SIPA1L2: variants seen among roughly 807,000 people sequenced by gnomAD.
The protein encoded by SIPA1L2 is signal induced proliferation associated 1 like 2, also known as signal-induced proliferation-associated 1-like protein 2.
Under a neutral mutation model 163.9 loss-of-function variants are expected in SIPA1L2, and 56 were observed. The observed-to-expected ratio is 0.34, with a 90% CI of 0.28 to 0.43. The LOEUF (loss-of-function observed/expected upper bound fraction) is 0.43, where lower values mean the gene tolerates loss of function less well. Ranked by LOEUF, SIPA1L2 falls within the 20% of genes least tolerant of loss-of-function variation. The probability of loss-of-function intolerance (pLI) is 1.00; values close to 1 mark genes in which losing one functional copy is unlikely to be tolerated. For synonymous variants in SIPA1L2, 877 were observed against 865.7 expected, an observed-to-expected ratio of 1.01 and a Z score of -0.23; for missense variants, 1,974 against 2,193.5, an observed-to-expected ratio of 0.90 and a Z score of 2.00.
chr1:232,501,048 G>GTTTTTTTTTTT (rs1421294418), intron 3 of SIPA1L2, among the ~76,000 whole-genome samples: 8 of 58,446 alleles, frequency 1.4e-4, no homozygotes, highest in South Asian at 5.9e-4. Context: ...TAGCAATGAA[G>GTTTTTTTTTTT]TATTTTTTTT....
chr1:232,520,371 G>T (rs1406704483), intron 2 of SIPA1L2, among the ~76,000 whole-genome samples: 1 of 152,228 alleles, frequency 6.6e-6, no homozygotes, highest in African/African-American at 2.4e-5. Flanking sequence ...CAAAATTGAA[G>T]AATTTTAGAG....
At chr1:232,407,970 T>C (rs1660736258) in intron 19 of SIPA1L2, among the ~76,000 whole-genome samples, 1 of 152,144 alleles carries the variant, frequency 6.6e-6, no homozygotes, top group African/African-American at 2.4e-5. Flanking sequence ...CCCATTACCA[T>C]GTTTAACGGG....
At chr1:232,588,206 G>C (rs554854905) in intron 1 of SIPA1L2, among the ~76,000 whole-genome samples, 1 of 152,146 alleles carries the variant, frequency 6.6e-6, no homozygotes, top group South Asian at 2.1e-4. Flanking sequence ...CCTATGAGGT[G>C]ATGAGCCACT....
intron 18 of SIPA1L2, chr1:232,415,866 C>A: frequency 2.7e-6 from 1 of 365,080 alleles, no homozygotes. Context: ...ACCACTGTCC[C>A]TCCCAGAGTC....
intron 8 of SIPA1L2, 109 bp downstream of exon 8, chr1:232,471,262 G>T: frequency 8.1e-7 from 1 of 1,237,502 alleles, no homozygotes; most frequent in Non-Finnish European, 1.1e-6. Context: ...TGAGTAATTA[G>T]AAAATCACAA....
chr1:232,447,275 T>C (rs1572910423), intron 10 of SIPA1L2, among the ~76,000 whole-genome samples: 1 of 152,216 alleles, frequency 6.6e-6, no homozygotes, highest in Non-Finnish European at 1.5e-5. Flanking sequence ...AAAATCCAGA[T>C]AAAATCTTTC....
intron 2 of SIPA1L2, among the ~76,000 whole-genome samples, chr1:232,554,414 C>G (rs1166668602): frequency 6.6e-6 from 1 of 152,194 alleles, no homozygotes; most frequent in Non-Finnish European, 1.5e-5. Flanking sequence ...AAAATATTTA[C>G]ATTTAAAGTC....
chr1:232,614,500 AC>A (rs1327033389), intron 1 of SIPA1L2, among the ~76,000 whole-genome samples: 1 of 152,254 alleles, frequency 6.6e-6, no homozygotes, highest in Non-Finnish European at 1.5e-5. Context: ...CCAAACTGCC[AC>A]AGCATGAATT....
At chr1:232,582,160 C>T (rs1236958809) in intron 1 of SIPA1L2, among the ~76,000 whole-genome samples, 1 of 151,584 alleles carries the variant, frequency 6.6e-6, no homozygotes, top group Non-Finnish European at 1.5e-5. Flanking sequence ...CATTCACTGT[C>T]TATGCTTTTT....
intron 2 of SIPA1L2, among the ~76,000 whole-genome samples, chr1:232,571,258 T>C (rs1324420886): frequency 6.6e-6 from 1 of 152,222 alleles, no homozygotes; most frequent in Admixed American, 6.5e-5. Flanking sequence ...ATAAAACACT[T>C]TTTTTAACAT....
intron 1 of SIPA1L2, among the ~76,000 whole-genome samples, chr1:232,575,032 T>C (rs758971392): frequency 2.0e-5 from 3 of 152,190 alleles, no homozygotes; most frequent in Non-Finnish European, 4.4e-5. Flanking sequence ...ACTCCTAAGA[T>C]CATGCTTTCA....
At chr1:232,405,286 C>G (rs1205184009) in intron 19 of SIPA1L2, among the ~76,000 whole-genome samples, 1 of 152,250 alleles carries the variant, frequency 6.6e-6, no homozygotes, top group East Asian at 1.9e-4. Context: ...TGCTAACACA[C>G]CTGCCCTAGG....
chr1:232,521,290 T>A (rs1458818367), intron 2 of SIPA1L2, among the ~76,000 whole-genome samples: 2 of 152,212 alleles, frequency 1.3e-5, no homozygotes, highest in East Asian at 3.9e-4. Context: ...CCACGTGCTA[T>A]TTGGAGGAAT....
At chr1:232,550,103 AT>A (rs560963732) in intron 2 of SIPA1L2, among the ~76,000 whole-genome samples, 396 of 152,328 alleles carry the variant, frequency 2.6e-3, no homozygotes, top group Non-Finnish European at 4.3e-3. Flanking sequence ...TCCATTTCAG[AT>A]TTTTGTTGTG....
intron 2 of SIPA1L2, among the ~76,000 whole-genome samples, chr1:232,541,853 TTAAAAAAAA>T (rs1162273383): frequency 2.3e-5 from 1 of 43,560 alleles, no homozygotes; most frequent in African/African-American, 1.9e-4. Context: ...TCCTACAGAT[TTAAAAAAAA>T]AAAAAAAAAA....
chr1:232,518,782 T>G (rs966568270), intron 2 of SIPA1L2, among the ~76,000 whole-genome samples: 18 of 152,250 alleles, frequency 1.2e-4, no homozygotes, highest in Non-Finnish European at 2.2e-4. Flanking sequence ...GAGAAAGTTC[T>G]GTGAATTTGT....
intron 12 of SIPA1L2, among the ~76,000 whole-genome samples, chr1:232,443,098 G>C (rs1311460210): frequency 6.6e-6 from 1 of 152,164 alleles, no homozygotes; most frequent in African/African-American, 2.4e-5. Context: ...TCTCTTCCCA[G>C]AGGTGGTGGG....
chr1:232,592,726 C>T (rs1201680990), intron 1 of SIPA1L2, among the ~76,000 whole-genome samples: 2 of 150,698 alleles, frequency 1.3e-5, no homozygotes, highest in South Asian at 2.1e-4. Flanking sequence ...CCTTAGAAAA[C>T]TTGTAATAAA....
intron 3 of SIPA1L2, among the ~76,000 whole-genome samples, chr1:232,499,200 A>G (rs1666345624): frequency 6.6e-6 from 1 of 152,202 alleles, no homozygotes; most frequent in African/African-American, 2.4e-5. Context: ...CACCTGTTTC[A>G]CTCTAAATGA....
Sources: gnomAD v4.1 joint callset for allele counts (sites outside exome capture counted in the v4.1 genomes callset) on GRCh38, gnomAD v4.1.1 for gene constraint, MANE v1.5 for transcripts, NCBI Gene and HGNC (gene_info 2026-07-23, HGNC 2026-07-21) for gene names.